The following WDR91 variants were observed in gnomAD, a reference collection of about 807,000 sequenced individuals.
WDR91 encodes WD repeat-containing protein 91.
Under a neutral mutation model 88.4 loss-of-function variants are expected in WDR91, and 52 were observed. That is an observed-to-expected ratio of 0.59 (90% CI 0.47 to 0.74). The LOEUF is 0.74. Ranked by LOEUF, WDR91 falls within the 30% of genes least tolerant of loss-of-function variation. The pLI is 0.00. For missense variants in WDR91, 824 were observed against 954.5 expected (o/e 0.86, Z 1.80); for synonymous variants, 362 against 389.5 (o/e 0.93, Z 0.83).
intron 6 of WDR91, among the ~76,000 whole-genome samples, chr7:135,203,085 G>C (rs908368871): frequency 4.6e-5 from 7 of 152,278 alleles, no homozygotes; most frequent in African/African-American, 9.6e-5. Context: ...ATCATCCCGA[G>C]CAAACTGGGG....
intron 9 of WDR91, 50 bp downstream of exon 9, chr7:135,194,884 A>T: frequency 6.2e-7 from 1 of 1,604,934 alleles, no homozygotes; most frequent in East Asian, 2.2e-5. Context: ...ACCCTGGGGA[A>T]TTCCTCCACT....
chr7:135,207,264 G>A, intron 3 of WDR91, 62 bp from the exon 4 acceptor site: 1 of 1,397,540 alleles, frequency 7.2e-7, no homozygotes. Context: ...CCAAACCCTT[G>A]ACACACCAGT....
Position 135,205,194 on chromosome 7 carries a change from T to A in WDR91, c.725+734A>T, listed in dbSNP as rs370596393. On this transcript the variant is annotated intron_variant, in intron 5 of 14. Transcript: ENST00000354475. The stretch of plus-strand genomic sequence containing the variant: ...AATACCTCTCTCTAATCTGCCTTCC[T>A]CTTTAAACCGTCAGAGAGGTGCATG... Among the ~76,000 whole-genome samples, 36 of 152,364 alleles carry A rather than the reference T, an allele frequency of 2.4e-4. No homozygotes were observed. In the East Asian group the frequency reaches 6.5e-3, roughly 28 times the overall value.
At chr7:135,193,850 CG>C (rs1402699253) in intron 9 of WDR91, 178 bp from the exon 10 acceptor site, 1 of 595,286 alleles carries the variant, frequency 1.7e-6, no homozygotes, top group African/African-American at 1.9e-5. Flanking sequence ...TAAACAAAGA[CG>C]TGAGAGCTGA....
rs1390949280 is a variant in WDR91 at position 135,196,611 on chromosome 7, G to A, written c.1051-274C>T. 6.6e-6 allele frequency among the ~76,000 whole-genome samples: 1 copy of A among 152,174 alleles called. No homozygotes were observed. Among genetic ancestry groups the A allele is most frequent in the Admixed American group, 6.5e-5 (1 of 15,290 alleles). On this transcript the variant is annotated intron_variant, in intron 7 of 14. Transcript: ENST00000354475. The surrounding 1 kb of genome is among the most constrained non-coding windows in gnomAD (Gnocchi z 4.2). ...TGGCCTCTCTGTGACACAGCTGATG[G>A]GACCCAGGACACACATCTGCCTTGA... is the stretch of plus-strand genomic sequence containing the variant.
chr7:135,190,905 A>C (rs292568), intron 11 of WDR91, among the ~76,000 whole-genome samples: 141,797 of 152,218 alleles, frequency 0.93, 66,827 homozygotes, highest in Non-Finnish European at 1. Flanking sequence ...ATCAGAGAAC[A>C]GCAATACTGG....
At chr7:135,205,864 AG>A (rs771314975) in intron 5 of WDR91, 63 bp downstream of exon 5, 203 of 1,605,208 alleles carry the variant, frequency 1.3e-4, no homozygotes, top group Non-Finnish European at 1.7e-4. Context: ...GCAAGATCAG[AG>A]GGAACTGTGG....
intron 2 of WDR91, 74 bp from the exon 3 acceptor site, chr7:135,209,072 C>T: frequency 1.5e-6 from 2 of 1,319,844 alleles, no homozygotes; most frequent in African/African-American, 1.5e-5. Context: ...CATCATTGCA[C>T]AGCAGACAAC....
intron 9 of WDR91, 22 bp from the exon 10 acceptor site, chr7:135,193,694 G>A (rs747487107): frequency 2.5e-6 from 4 of 1,608,308 alleles, no homozygotes; most frequent in African/African-American, 1.3e-5. Flanking sequence ...AGGGGCGGGA[G>A]GTGGGAAGGA....
In WDR91 at chr7:135,193,613, A is replaced by T. The variant is rs1585412459; in HGVS notation, c.1455T>A (p.Asn485Lys). 3 of 1,614,114 alleles carry T rather than the reference A, an allele frequency of 1.9e-6. No homozygotes were observed. The highest frequency in any genetic ancestry group is 2.2e-5 in the East Asian group (1 of 44,874). ...VRLYDTEAKK[N>K]LCEININDNM... ...TGTCGTTGATATTGATTTCACAGAG[A>T]TTCTTCTTGGCTTCCGTGTCATAGA... The change falls in exon 10 of 15, where the codon AAT becomes AAA. Residue 485 changes from asparagine (N) to lysine (K), a missense_variant. Asn to Lys is a moderately conservative substitution (Grantham distance 94). Transcript: ENST00000354475.
intron 4 of WDR91, 117 bp from the exon 5 acceptor site, chr7:135,206,175 G>T: frequency 7.6e-7 from 1 of 1,312,294 alleles, no homozygotes; most frequent in Non-Finnish European, 1.1e-6. Flanking sequence ...TCGCCTCAGC[G>T]TCAAGGGGCC....
At position 135,196,469 on chromosome 7, in the gene WDR91, C is replaced by T. The variant is rs1427592432; in HGVS notation, c.1051-132G>A. ...GGTAATTACAGAGTGGAGAGGAGAG[C>T]TCTGACCTGCGAGGGTAGTGCTCAG... On this transcript the variant is annotated intron_variant, in intron 7 of 14. Transcript: ENST00000354475. The surrounding 1 kb of genome is among the most constrained non-coding windows in gnomAD (Gnocchi z 4.2). 2 of 855,904 alleles carry T rather than the reference C, an allele frequency of 2.3e-6. No homozygotes were observed. Among genetic ancestry groups the T allele is most frequent in the Non-Finnish European group, 3.3e-6 (2 of 598,212 alleles). 53.0% of individuals were successfully genotyped at this position (855,904 alleles called of 1,614,324 possible).
chr7:135,203,155 G>A (rs1487568644), intron 6 of WDR91, among the ~76,000 whole-genome samples: 1 of 152,186 alleles, frequency 6.6e-6, no homozygotes, highest in Non-Finnish European at 1.5e-5. Context: ...AAGTTAAGGT[G>A]CCTGGCCCCA....
chr7:135,192,386 G>C (rs757508111), intron 11 of WDR91, among the ~76,000 whole-genome samples: 1 of 152,180 alleles, frequency 6.6e-6, no homozygotes, highest in Non-Finnish European at 1.5e-5. Flanking sequence ...CCAAAGTGCT[G>C]GGATTACAGG....
At position 135,196,434 on chromosome 7, in the gene WDR91, C is replaced by T. The variant is rs371591374; in HGVS notation, c.1051-97G>A. The stretch of plus-strand genomic sequence containing the variant: ...TCTAGGCCTAGGCTGCAGCATTTTG[C>T]GGGGTTCTCGGTAATTACAGAGTGG... On this transcript the variant is annotated intron_variant, in intron 7 of 14. Transcript: ENST00000354475. The surrounding 1 kb of genome is among the most constrained non-coding windows in gnomAD (Gnocchi z 4.2). 170 of 1,184,092 alleles carry T rather than the reference C, an allele frequency of 1.4e-4. 1 individual carries two copies. In the African/African-American group the frequency reaches 1.6e-3, roughly 11 times the overall value. 73.3% of individuals were successfully genotyped at this position (1,184,092 alleles called of 1,614,324 possible). A position where few individuals can be genotyped will look rare whatever the true frequency, so the allele number is the denominator to read the frequency against.
intron 1 of WDR91, 74 bp from the exon 2 acceptor site, chr7:135,209,829 T>A: frequency 7.5e-7 from 1 of 1,337,034 alleles, no homozygotes; most frequent in Non-Finnish European, 9.9e-7. Flanking sequence ...TAAAGCTTTT[T>A]CCTCTTGTCA....
At position 135,209,750 on chromosome 7, in the gene WDR91, A is replaced by G; in HGVS notation, c.129T>C (p.Asp43=). Residue 43 remains aspartate, a synonymous_variant, in exon 2 of 15, where the codon GAT becomes GAC. Transcript: ENST00000354475. ...KADKEKGFRV[D]KIVDQLQQLM... Reference sequence around the variant, plus strand: ...ACTGCTGCAGCTGGTCCACAATCTTATCCACCTGGCGAGAAACATGGATGG... The same window carrying G: ...ACTGCTGCAGCTGGTCCACAATCTTGTCCACCTGGCGAGAAACATGGATGG... 1 of 1,590,146 alleles carries G rather than the reference A, an allele frequency of 6.3e-7. No individual in the cohort carries two copies. The highest frequency in any genetic ancestry group is 8.6e-7 in the Non-Finnish European group (1 of 1,166,374).
In WDR91 at chr7:135,184,111, G is replaced by A. The variant is rs1830853640; in HGVS notation, c.*2040C>T. The stretch of plus-strand genomic sequence containing the variant: ...TAAGTAAGATCACTGTTTCAATACA[G>A]ATGGGGAAAGATAATAAATAAAGAA... On this transcript the variant is annotated 3_prime_UTR_variant, in exon 15 of 15. Coordinates refer to ENST00000354475, the MANE Select transcript of WDR91 (RefSeq NM_014149.4). The A allele has an allele frequency of 6.6e-6, 1 of 152,206 alleles. No homozygotes were observed. Among genetic ancestry groups the A allele is most frequent in the Admixed American group, 6.5e-5 (1 of 15,286 alleles). The allele number at this position is 152,206 out of a possible 1,614,324, so 9.4% of individuals were successfully genotyped here. A position where few individuals can be genotyped will look rare whatever the true frequency, so the allele number is the denominator to read the frequency against.
rs201469951 is a variant in WDR91, at chr7:135,193,297, G to C, written c.1593C>G (p.Gly531=). The stretch of plus-strand genomic sequence containing the variant: ...CAGGAACCTGGTTCATGCCCTTGCT[G>C]CCGATGTCTGGTGCTGAGAAGTCCA... The part of the protein sequence containing the change: ...SQVDFSAPDI[G]SKGMNQVPGR... Residue 531 remains glycine, a synonymous_variant, in exon 11 of 15, where the codon GGC becomes GGG. Transcript: ENST00000354475. 5 of 1,614,196 alleles carry C rather than the reference G, an allele frequency of 3.1e-6. No individual in the cohort carries two copies. Among genetic ancestry groups the C allele is most frequent in the Non-Finnish European group, 4.2e-6 (5 of 1,180,042 alleles).
Sources: gnomAD v4.1 joint callset for allele counts (sites outside exome capture counted in the v4.1 genomes callset) on GRCh38, gnomAD v4.1.1 for gene constraint, Gnocchi (gnomAD v3.1) non-coding constraint, MANE v1.5 for transcripts, NCBI Gene and HGNC (gene_info 2026-07-23, HGNC 2026-07-21) for gene names.